Variants in HMG20A observed in about 807,000 individuals in gnomAD.
HMG20A encodes the protein high mobility group protein 20A.
HMG20A carries 17 observed loss-of-function variants against 43.9 expected under a neutral mutation model. That is an observed-to-expected ratio of 0.39 (90% CI 0.27 to 0.58). The LOEUF (loss-of-function observed/expected upper bound fraction) is 0.58, where lower values mean the gene tolerates loss of function less well. HMG20A is among the 20% of genes least tolerant of loss of function. The pLI is 0.59. For missense variants in HMG20A, 341 were observed against 438.2 expected, an observed-to-expected ratio of 0.78 and a Z score of 1.98; for synonymous variants, 132 against 147.5, an observed-to-expected ratio of 0.89 and a Z score of 0.76.
chr15:77,518,305 C>T, the HMG20A span, among the ~76,000 whole-genome samples: 61 of 152,318 alleles, frequency 4.0e-4, 2 homozygotes, highest in East Asian at 0.011. Context: ...GATTCTACCA[C>T]GCCTGCACCA....
chr15:77,509,420 A>G, the HMG20A span, among the ~76,000 whole-genome samples: 3 of 151,702 alleles, frequency 2.0e-5, no homozygotes, highest in Non-Finnish European at 4.4e-5. Flanking sequence ...ATGCCCAGCT[A>G]ATTTTTTTAT....
chr15:77,464,591 G>A, intron 3 of HMG20A: 1 of 434,072 alleles, frequency 2.3e-6, no homozygotes. Flanking sequence ...TTTTTTCCCT[G>A]TTCCCTAAGA....
intron 6 of HMG20A, among the ~76,000 whole-genome samples, chr15:77,473,717 A>T (rs758290440): frequency 1.3e-5 from 2 of 152,206 alleles, no homozygotes; most frequent in African/African-American, 4.8e-5. Flanking sequence ...AATTTCTGTA[A>T]TTTCTGTGAT....
At chr15:77,452,577 G>A (rs527503212) in intron 1 of HMG20A, among the ~76,000 whole-genome samples, 1 of 152,120 alleles carries the variant, frequency 6.6e-6, no homozygotes, top group East Asian at 1.9e-4. Context: ...GAGATGTAGA[G>A]GTCAGAGAAT....
At chr15:77,430,360 G>A (rs957796044) in intron 1 of HMG20A, among the ~76,000 whole-genome samples, 3 of 152,188 alleles carry the variant, frequency 2.0e-5, no homozygotes, top group Non-Finnish European at 2.9e-5. Context: ...TTATGACTCT[G>A]AGAGATGAGG....
chr15:77,441,377 T>G (rs1253912724), intron 1 of HMG20A, among the ~76,000 whole-genome samples: 3 of 152,200 alleles, frequency 2.0e-5, no homozygotes, highest in African/African-American at 7.2e-5. Flanking sequence ...GTTGTGATTT[T>G]ATATTGAATT....
chr15:77,429,922 A>C (rs2073466999), intron 1 of HMG20A, among the ~76,000 whole-genome samples: 1 of 152,198 alleles, frequency 6.6e-6, no homozygotes. Context: ...ATATAATAAT[A>C]ATTTACATTT....
intron 2 of HMG20A, among the ~76,000 whole-genome samples, chr15:77,459,371 C>G (rs754725130): frequency 1.3e-5 from 2 of 152,018 alleles, no homozygotes; most frequent in Non-Finnish European, 2.9e-5. Flanking sequence ...AAGCATTGAT[C>G]AAAATAGATA....
the HMG20A span, among the ~76,000 whole-genome samples, chr15:77,494,161 CT>C: frequency 1 from 152,260 of 152,260 alleles, 76,130 homozygotes; most frequent in Non-Finnish European, 1. Flanking sequence ...ACAGGGTCTT[CT>C]TTTGTTGCCC....
chr15:77,439,424 T>C (rs2073586660), intron 1 of HMG20A, among the ~76,000 whole-genome samples: 1 of 152,198 alleles, frequency 6.6e-6, no homozygotes, highest in Admixed American at 6.5e-5. Flanking sequence ...AGATAACCAC[T>C]ATTCTGATTT....
chr15:77,471,346 T>C (rs1335832503), intron 5 of HMG20A, among the ~76,000 whole-genome samples: 1 of 152,150 alleles, frequency 6.6e-6, no homozygotes, highest in Non-Finnish European at 1.5e-5. Context: ...AGCAAGCCTA[T>C]CTACAAAATT....
chr15:77,496,687 G>C, the HMG20A span, among the ~76,000 whole-genome samples: 2 of 152,194 alleles, frequency 1.3e-5, no homozygotes, highest in Non-Finnish European at 2.9e-5. Flanking sequence ...CTGCATGTCG[G>C]AGGGAAGGGC....
chr15:77,453,904 C>T (rs1430157289), intron 1 of HMG20A, among the ~76,000 whole-genome samples: 1 of 151,806 alleles, frequency 6.6e-6, no homozygotes, highest in Admixed American at 6.6e-5. Flanking sequence ...GGCATGATGG[C>T]TCACGCCTAT....
chr15:77,462,880 C>T (rs1450313059), intron 2 of HMG20A, among the ~76,000 whole-genome samples: 1 of 149,028 alleles, frequency 6.7e-6, no homozygotes, highest in Non-Finnish European at 1.5e-5. Context: ...TCAAGCGGTT[C>T]TCCTGCCTCA....
chr15:77,464,158 T>C (rs755016902), intron 2 of HMG20A, 82 bp from the exon 3 acceptor site: 31 of 1,477,156 alleles, frequency 2.1e-5, no homozygotes, highest in Non-Finnish European at 2.9e-5. Context: ...TGGCATGTGC[T>C]TTTGCTGGCA....
chr15:77,421,235 C>G, intron 1 of HMG20A: 1 of 304,714 alleles, frequency 3.3e-6, no homozygotes. Context: ...CGACCCACTT[C>G]CAGTGCTGAT....
At chr15:77,508,362 G>C in the HMG20A span, among the ~76,000 whole-genome samples, 1 of 152,180 alleles carries the variant, frequency 6.6e-6, no homozygotes. Context: ...GCAGGTAATA[G>C]TTGCTTCCTG....
At chr15:77,510,533 T>A in the HMG20A span, among the ~76,000 whole-genome samples, 1 of 152,204 alleles carries the variant, frequency 6.6e-6, no homozygotes, top group Non-Finnish European at 1.5e-5. Context: ...GAGTTGAGTC[T>A]CCTCCAGTTT....
At chr15:77,448,963 T>C (rs919647276) in intron 1 of HMG20A, among the ~76,000 whole-genome samples, 38 of 152,014 alleles carry the variant, frequency 2.5e-4, no homozygotes, top group African/African-American at 8.7e-4. Flanking sequence ...AGGCCGAGAA[T>C]TGCTTGAACC....
Sources: allele counts gnomAD v4.1 joint callset (sites outside exome capture counted in the v4.1 genomes callset), GRCh38; gene constraint gnomAD v4.1.1; transcripts MANE v1.5; gene names NCBI Gene and HGNC (gene_info 2026-07-23, HGNC 2026-07-21).